IKZF3: variants seen among roughly 807,000 people sequenced by gnomAD.
IKZF3 encodes IKAROS family zinc finger 3.
In IKZF3, 10 loss-of-function variants were observed where a neutral mutation model predicts 49.0. The observed-to-expected ratio is 0.20, with a 90% CI of 0.13 to 0.35. The LOEUF is 0.35. IKZF3 is among the 10% of genes least tolerant of loss of function. The pLI is 1.00. For missense variants in IKZF3, 498 were observed against 664.8 expected, an observed-to-expected ratio of 0.75 and a Z score of 2.76; for synonymous variants, 209 against 228.2, an observed-to-expected ratio of 0.92 and a Z score of 0.76.
chr17:39,848,428 A>G (rs1294836531), intron 1 of IKZF3, among the ~76,000 whole-genome samples: 3 of 152,230 alleles, frequency 2.0e-5, no homozygotes, highest in Non-Finnish European at 4.4e-5. Flanking sequence ...GCAGAGAGAA[A>G]AGGAAAAATG....
intron 1 of IKZF3, among the ~76,000 whole-genome samples, chr17:39,837,099 T>A (rs12938617): frequency 0.058 from 8,772 of 151,486 alleles, 392 homozygotes; most frequent in African/African-American, 0.12. Flanking sequence ...CTGGCTAATT[T>A]AAAAAAAATT....
rs752472991 is a variant in IKZF3, at chr17:39,763,792, T to C, written c.*1998A>G. On this transcript the variant is annotated 3_prime_UTR_variant, in exon 8 of 8. Coordinates refer to ENST00000346872, the MANE Select transcript of IKZF3 (RefSeq NM_012481.5). ...AGCTAGAAGGGACCTAAGAGAACAT[T>C]GAAATCTAATTCCTATTTTATGGAT... 4 of 152,222 alleles carry C rather than the reference T, an allele frequency of 2.6e-5. No homozygotes were observed. The highest frequency in any genetic ancestry group is 5.9e-5 in the Non-Finnish European group (4 of 68,048). The allele number at this position is 152,222 out of a possible 1,614,324, so 9.4% of individuals were successfully genotyped here.
intron 1 of IKZF3, among the ~76,000 whole-genome samples, chr17:39,854,496 T>C (rs1405880282): frequency 1.3e-5 from 2 of 152,186 alleles, no homozygotes; most frequent in Non-Finnish European, 2.9e-5. Flanking sequence ...ACTAAAACCA[T>C]GCAAAAATGC....
At chr17:39,770,061 C>CT (rs2060398517) in intron 7 of IKZF3, among the ~76,000 whole-genome samples, 1 of 152,188 alleles carries the variant, frequency 6.6e-6, no homozygotes, top group African/African-American at 2.4e-5. Flanking sequence ...CCCCTCGTCT[C>CT]TGAGTTACGG....
At chr17:39,813,566 C>T (rs919708098) in intron 3 of IKZF3, among the ~76,000 whole-genome samples, 10 of 151,574 alleles carry the variant, frequency 6.6e-5, no homozygotes, top group Non-Finnish European at 1.5e-4. Flanking sequence ...ATCACTTGAG[C>T]CTGGGAGGTT....
In IKZF3 at chr17:39,792,737, G is replaced by A. The variant is rs748258169; in HGVS notation, c.360C>T (p.Cys120=). The A allele has an allele frequency of 3.0e-5, 49 of 1,613,932 alleles. No individual in the cohort carries two copies. The highest frequency in any genetic ancestry group is 3.9e-5 in the Non-Finnish European group (46 of 1,179,944). ...SSRPTSGKMN[C]DVCGLSCISF... Reference sequence around the variant, plus strand: ...TGATGCAGGATAATCCACACACATCGCAGTTCATCTTTCCACTGGTTGGCC... The same window carrying A: ...TGATGCAGGATAATCCACACACATCACAGTTCATCTTTCCACTGGTTGGCC... Residue 120 remains cysteine, a synonymous_variant, in exon 4 of 8, where the codon TGC becomes TGT. Transcript: ENST00000346872.
chr17:39,797,230 G>A (rs1430943134), intron 3 of IKZF3, among the ~76,000 whole-genome samples: 1 of 151,218 alleles, frequency 6.6e-6, no homozygotes, highest in Non-Finnish European at 1.5e-5. Context: ...AAAGGACTCA[G>A]AATTCTCTGT....
chr17:39,780,751 C>T (rs772116476), intron 6 of IKZF3, among the ~76,000 whole-genome samples: 4 of 151,946 alleles, frequency 2.6e-5, no homozygotes, highest in Non-Finnish European at 4.4e-5. Context: ...ACTCAGGAGG[C>T]TGAGGTGAGA....
rs551137687 is a variant in IKZF3, at chr17:39,759,837, A to G, written c.*5953T>C. 6.6e-6 allele frequency: 1 copy of G among 152,254 alleles called. No individual in the cohort carries two copies. Among genetic ancestry groups the G allele is most frequent in the Non-Finnish European group, 1.5e-5 (1 of 68,052 alleles). 9.4% of individuals were successfully genotyped at this position (152,254 alleles called of 1,614,324 possible). ...CTATACTTTCTGTGTGAACACAAAAATAGCTTCCCATTCTCTAAAAGATGA... is the reference window on the plus strand; with the variant it reads ...CTATACTTTCTGTGTGAACACAAAAGTAGCTTCCCATTCTCTAAAAGATGA... On this transcript the variant is annotated 3_prime_UTR_variant, in exon 8 of 8. Coordinates refer to ENST00000346872, the MANE Select transcript of IKZF3 (RefSeq NM_012481.5).
intron 1 of IKZF3, among the ~76,000 whole-genome samples, chr17:39,843,092 A>ATT (rs2062527177): frequency 6.6e-6 from 1 of 152,228 alleles, no homozygotes; most frequent in African/African-American, 2.4e-5. Flanking sequence ...TCCAGACTGA[A>ATT]GGAGAGGAAA....
chr17:39,791,945 G>A (rs1163576391), intron 4 of IKZF3, among the ~76,000 whole-genome samples: 1 of 145,564 alleles, frequency 6.9e-6, no homozygotes, highest in Non-Finnish European at 1.5e-5. Context: ...TCAGGCTGGA[G>A]TGCAATGGTC....
At chr17:39,820,597 G>C (rs913959948) in intron 3 of IKZF3, among the ~76,000 whole-genome samples, 5 of 152,138 alleles carry the variant, frequency 3.3e-5, no homozygotes, top group Non-Finnish European at 7.4e-5. Flanking sequence ...TAAGTGATAG[G>C]AGTATTGTTT....
At chr17:39,781,815 T>G (rs2060748899) in intron 6 of IKZF3, among the ~76,000 whole-genome samples, 1 of 152,224 alleles carries the variant, frequency 6.6e-6, no homozygotes, top group African/African-American at 2.4e-5. Flanking sequence ...AAACTGGTCT[T>G]TAGAGTCATT....
intron 3 of IKZF3, among the ~76,000 whole-genome samples, chr17:39,809,405 T>C (rs2061501281): frequency 6.6e-6 from 1 of 152,182 alleles, no homozygotes; most frequent in African/African-American, 2.4e-5. Context: ...CCAGATAATC[T>C]TGTTTATTGG....
At chr17:39,830,345 T>C (rs1268813561) in intron 2 of IKZF3, among the ~76,000 whole-genome samples, 1 of 152,188 alleles carries the variant, frequency 6.6e-6, no homozygotes, top group Non-Finnish European at 1.5e-5. Flanking sequence ...AGGCTACAGA[T>C]ATGAATAAGT....
At chr17:39,790,003 T>G (rs1366093652) in intron 5 of IKZF3, among the ~76,000 whole-genome samples, 2 of 152,202 alleles carry the variant, frequency 1.3e-5, no homozygotes, top group African/African-American at 4.8e-5. Context: ...CATGCAAACT[T>G]TATTCTGCCA....
intron 1 of IKZF3, among the ~76,000 whole-genome samples, chr17:39,857,318 G>A (rs535665074): frequency 6.6e-6 from 1 of 152,216 alleles, no homozygotes; most frequent in African/African-American, 2.4e-5. Flanking sequence ...TTGTTCTGAT[G>A]TGCCAAATAT....
Position 39,766,025 on chromosome 17 carries a change from G to T in IKZF3, c.1295C>A (p.Pro432His). 6.2e-7 allele frequency: 1 copy of T among 1,614,196 alleles called. No homozygotes were observed. The highest frequency in any genetic ancestry group is 8.5e-7 in the Non-Finnish European group (1 of 1,180,032). ...TTTGACGGAGTCTCTTGGGCAGATGGGCGGGGGCTTGAGGAGTTCGTAAGA... is the reference window on the plus strand; with the variant it reads ...TTTGACGGAGTCTCTTGGGCAGATGTGCGGGGGCTTGAGGAGTTCGTAAGA... Reference protein sequence around the residue: ...PRSYELLKPPPICPRDSVKVI... With the variant: ...PRSYELLKPPHICPRDSVKVI... The change falls in exon 8 of 8, where the codon CCC becomes CAC. Residue 432 changes from proline (P) to histidine (H), a missense_variant. Coordinates refer to ENST00000346872, the MANE Select transcript of IKZF3 (RefSeq NM_012481.5).
At chr17:39,791,386 A>G (rs753647251) in intron 5 of IKZF3, 30 bp downstream of exon 5, 2 of 1,610,002 alleles carry the variant, frequency 1.2e-6, no homozygotes, top group Non-Finnish European at 1.7e-6. Context: ...TGCACTTCCT[A>G]GACAAGGAAT....
Sources: gnomAD v4.1 joint callset for allele counts (sites outside exome capture counted in the v4.1 genomes callset) on GRCh38, gnomAD v4.1.1 for gene constraint, MANE v1.5 for transcripts, NCBI Gene and HGNC (gene_info 2026-07-23, HGNC 2026-07-21) for gene names.